Variants in CHSY1 observed in about 807,000 individuals in gnomAD.
The protein encoded by CHSY1 is chondroitin sulfate synthase 1, also known as N-acetylgalactosaminyl-proteoglycan 3-beta-glucuronosyltransferase 1.
In CHSY1, 13 loss-of-function variants were observed where a neutral mutation model predicts 59.8. The ratio of observed to expected loss-of-function variants is 0.22; its 90% CI spans 0.14 to 0.35. CHSY1 has a LOEUF of 0.35. Among genes scored for constraint, CHSY1 ranks in the 10% least tolerant of loss-of-function variants. The probability of loss-of-function intolerance (pLI) is 1.00; values close to 1 mark genes in which losing one functional copy is unlikely to be tolerated. For missense variants in CHSY1, 947 were observed against 1,030.6 expected (o/e 0.92, Z 1.11); for synonymous variants, 459 against 401.2 (o/e 1.14, Z -1.72).
At chr15:101,182,587 T>C (rs2038295357) in intron 2 of CHSY1, among the ~76,000 whole-genome samples, 1 of 152,240 alleles carries the variant, frequency 6.6e-6, no homozygotes, top group African/African-American at 2.4e-5. Flanking sequence ...AGTCTGATAA[T>C]GGGGAAATGG....
intron 2 of CHSY1, among the ~76,000 whole-genome samples, chr15:101,213,574 T>G (rs2038703135): frequency 6.6e-6 from 1 of 152,194 alleles, no homozygotes; most frequent in Non-Finnish European, 1.5e-5. Context: ...CCTGACAAAA[T>G]ACTGCTGAAA....
At chr15:101,228,574 A>T (rs2038863438) in intron 2 of CHSY1, among the ~76,000 whole-genome samples, 1 of 152,192 alleles carries the variant, frequency 6.6e-6, no homozygotes, top group South Asian at 2.1e-4. Flanking sequence ...TGATAAAAGA[A>T]AAAAAGATTG....
chr15:101,192,911 TA>T (rs1244837280), intron 2 of CHSY1, among the ~76,000 whole-genome samples: 1 of 152,166 alleles, frequency 6.6e-6, no homozygotes, highest in African/African-American at 2.4e-5. Flanking sequence ...CACCCAATTT[TA>T]AAAAATGCTT....
intron 2 of CHSY1, among the ~76,000 whole-genome samples, chr15:101,216,331 T>G (rs2038731853): frequency 6.6e-6 from 1 of 152,218 alleles, no homozygotes; most frequent in Admixed American, 6.5e-5. Flanking sequence ...GGAAGAAAGT[T>G]TGGCAGTTTC....
At chr15:101,223,619 T>C (rs2038812141) in intron 2 of CHSY1, among the ~76,000 whole-genome samples, 2 of 82,522 alleles carry the variant, frequency 2.4e-5, no homozygotes, top group Admixed American at 1.2e-4. Flanking sequence ...ACTTCCACAC[T>C]GGGACTCAGG....
intron 2 of CHSY1, among the ~76,000 whole-genome samples, chr15:101,228,285 C>G (rs921658856): frequency 6.6e-6 from 1 of 151,532 alleles, no homozygotes; most frequent in African/African-American, 2.4e-5. Flanking sequence ...CAAAGGAAAA[C>G]AGAAACAGAG....
chr15:101,183,950 C>T (rs550862093), intron 2 of CHSY1, among the ~76,000 whole-genome samples: 1 of 152,260 alleles, frequency 6.6e-6, no homozygotes, highest in East Asian at 1.9e-4. Flanking sequence ...TTTTAAAACG[C>T]AAAAATCAGC....
At position 101,235,589 on chromosome 15, in the gene CHSY1, A is replaced by G; in HGVS notation, c.321-12T>C. On this transcript the variant is annotated splice_polypyrimidine_tract_variant and intron_variant, in intron 1 of 2. Coordinates refer to ENST00000254190, the MANE Select transcript of CHSY1 (RefSeq NM_014918.5). ...TCTTGGACCATGTTCTGGAATTAAAATAAATATCAGTTAGAGAACAGTTTA... is the reference window on the plus strand; with the variant it reads ...TCTTGGACCATGTTCTGGAATTAAAGTAAATATCAGTTAGAGAACAGTTTA... 1 of 1,604,564 alleles carries G rather than the reference A, an allele frequency of 6.2e-7. No individual in the cohort carries two copies. The highest frequency in any genetic ancestry group is 8.5e-7 in the Non-Finnish European group (1 of 1,179,778).
intron 2 of CHSY1, among the ~76,000 whole-genome samples, chr15:101,197,581 C>T (rs1206921551): frequency 1.3e-5 from 2 of 152,002 alleles, no homozygotes; most frequent in Admixed American, 6.5e-5. Context: ...TCTAAGGACA[C>T]CCCAAATTAC....
intron 1 of CHSY1, among the ~76,000 whole-genome samples, chr15:101,237,358 C>A (rs527843756): frequency 6.6e-6 from 1 of 152,076 alleles, no homozygotes; most frequent in Admixed American, 6.5e-5. Flanking sequence ...AAGATTAAGG[C>A]CCACACATTT....
At chr15:101,211,221 G>C (rs894822046) in intron 2 of CHSY1, among the ~76,000 whole-genome samples, 5 of 152,188 alleles carry the variant, frequency 3.3e-5, no homozygotes, top group African/African-American at 1.2e-4. Context: ...CTACCTGGGA[G>C]GCTGAGGCAG....
Position 101,177,985 on chromosome 15 carries a change from C to G in CHSY1, c.1812G>C (p.Val604=), listed in dbSNP as rs3803422. ...YPKADMQILP[V]SGEFSRALAL... is the part of the protein sequence containing the mutation. ...CCAGGGCTCTTGAAAACTCTCCAGA[C>G]ACAGGCAAAATCTGCATGTCGGCTT... is the stretch of plus-strand genomic sequence containing the variant. Residue 604 remains valine (V), a synonymous_variant, in exon 3 of 3, where the codon GTG becomes GTC. Coordinates refer to ENST00000254190, the MANE Select transcript of CHSY1 (RefSeq NM_014918.5). The G allele has an allele frequency of 6.2e-7, 1 of 1,614,198 alleles. No individual in the cohort carries two copies. Among genetic ancestry groups the G allele is most frequent in the Admixed American group, 1.7e-5 (1 of 60,026 alleles).
rs566416555 is a variant in CHSY1, at chr15:101,189,311, C to T, written c.817-10331G>A. 6.1e-4 allele frequency: 266 copies of T among 433,774 alleles called. 4 individuals are homozygous for T. The highest frequency in any genetic ancestry group is 2.6e-4 in the Admixed American group (4 of 15,636). The allele number at this position is 433,774 out of a possible 1,614,324, so 26.9% of individuals were successfully genotyped here. ...CCTCTCCACTCCAGTCAACACGGACCACACACCAGCGTCACACGTGACCCA... is the reference window on the plus strand; with the variant it reads ...CCTCTCCACTCCAGTCAACACGGACTACACACCAGCGTCACACGTGACCCA... On this transcript the variant is annotated intron_variant, in intron 2 of 2. Transcript: ENST00000254190.
intron 2 of CHSY1, among the ~76,000 whole-genome samples, chr15:101,195,982 C>T (rs910937217): frequency 1.3e-5 from 2 of 152,036 alleles, no homozygotes; most frequent in African/African-American, 4.8e-5. Flanking sequence ...GGAGCAGTGG[C>T]TCATGCCTGT....
intron 2 of CHSY1, among the ~76,000 whole-genome samples, chr15:101,187,362 C>T (rs1029229646): frequency 1.6e-4 from 24 of 151,926 alleles, no homozygotes; most frequent in Non-Finnish European, 3.2e-4. Context: ...GCCTGTAGTC[C>T]CAGCTACTCG....
chr15:101,242,149 CT>C (rs1395940255), intron 1 of CHSY1, among the ~76,000 whole-genome samples: 1 of 151,460 alleles, frequency 6.6e-6, no homozygotes, highest in Non-Finnish European at 1.5e-5. Flanking sequence ...ACATTCTCCC[CT>C]GTTACAGAAG....
At chr15:101,224,090 C>T (rs974887454) in intron 2 of CHSY1, among the ~76,000 whole-genome samples, 15 of 152,248 alleles carry the variant, frequency 9.9e-5, no homozygotes, top group Non-Finnish European at 1.3e-4. Flanking sequence ...AGCCTAGGAG[C>T]CGCAGGCTAC....
chr15:101,218,736 C>G lies in CHSY1; in HGVS notation c.816+16346G>C, dbSNP rs145698351. On this transcript the variant is annotated intron_variant, in intron 2 of 2. Transcript: ENST00000254190. ...GCTACAGCCATGCCAGCCAGGGTGA[C>G]AGAGCAAGACCCTGCCTCAAAAACA... Among the ~76,000 whole-genome samples, 655 of 152,334 alleles carry G rather than the reference C, an allele frequency of 4.3e-3. 4 individuals carry two copies. The highest frequency in any genetic ancestry group is 0.014 in the African/African-American group (587 of 41,570).
intron 1 of CHSY1, among the ~76,000 whole-genome samples, chr15:101,236,757 G>A (rs562092690): frequency 2.8e-4 from 43 of 152,232 alleles, no homozygotes; most frequent in African/African-American, 1.0e-3. Flanking sequence ...CCCGGAAGGC[G>A]AAGCTTGCAG....
Sources: gnomAD v4.1 joint callset for allele counts (sites outside exome capture counted in the v4.1 genomes callset) on GRCh38, gnomAD v4.1.1 for gene constraint, MANE v1.5 for transcripts, NCBI Gene and HGNC (gene_info 2026-07-23, HGNC 2026-07-21) for gene names.